Variants in INPP4B observed in about 807,000 individuals in gnomAD.
The protein encoded by INPP4B is inositol polyphosphate-4-phosphatase type II B.
In INPP4B, 55 loss-of-function variants were observed where a neutral mutation model predicts 122.5. The observed-to-expected ratio is 0.45, with a 90% CI of 0.36 to 0.56. INPP4B has a LOEUF of 0.56. Among genes scored for constraint, INPP4B ranks in the 20% least tolerant of loss-of-function variants. The probability of loss-of-function intolerance (pLI) is 0.00; values close to 1 mark genes in which losing one functional copy is unlikely to be tolerated. For synonymous variants in INPP4B, 403 were observed against 388.7 expected, an observed-to-expected ratio of 1.04 and a Z score of -0.43; for missense variants, 1,000 against 1,097.7, an observed-to-expected ratio of 0.91 and a Z score of 1.26.
At chr4:142,644,686 A>G (rs1751326052) in intron 2 of INPP4B, among the ~76,000 whole-genome samples, 1 of 149,086 alleles carries the variant, frequency 6.7e-6, no homozygotes, top group Admixed American at 6.8e-5. Context: ...CGGATCACCT[A>G]AGGTCAGAAA....
At chr4:142,452,571 C>T (rs987339397) in intron 3 of INPP4B, among the ~76,000 whole-genome samples, 5 of 152,158 alleles carry the variant, frequency 3.3e-5, no homozygotes, top group Non-Finnish European at 7.3e-5. Context: ...GTAGTCATCT[C>T]CTTTAAGGAT....
intron 2 of INPP4B, among the ~76,000 whole-genome samples, chr4:142,644,740 TAA>T (rs55700762): frequency 1.3e-3 from 89 of 71,060 alleles, no homozygotes; most frequent in African/African-American, 4.1e-3. Flanking sequence ...CATCTCTACT[TAA>T]AAAAAAAAAA....
At chr4:142,797,979 A>C (rs1416215295) in intron 1 of INPP4B, among the ~76,000 whole-genome samples, 2 of 151,954 alleles carry the variant, frequency 1.3e-5, no homozygotes, top group Non-Finnish European at 2.9e-5. Flanking sequence ...AGTGAAAAGA[A>C]ATATCACTTA....
chr4:142,070,434 G>T (rs563221667), intron 25 of INPP4B, among the ~76,000 whole-genome samples: 1 of 152,240 alleles, frequency 6.6e-6, no homozygotes, highest in African/African-American at 2.4e-5. Flanking sequence ...CACAAGACAG[G>T]GATGCCCTCT....
chr4:142,301,701 A>G (rs1477091937), intron 9 of INPP4B, among the ~76,000 whole-genome samples: 1 of 152,178 alleles, frequency 6.6e-6, no homozygotes, highest in Non-Finnish European at 1.5e-5. Flanking sequence ...GAATATAAAA[A>G]ATTCTTAGTA....
At chr4:142,710,556 G>A (rs551339231) in intron 2 of INPP4B, among the ~76,000 whole-genome samples, 1 of 152,202 alleles carries the variant, frequency 6.6e-6, no homozygotes, top group East Asian at 1.9e-4. Flanking sequence ...GAAAATATGA[G>A]TGTACTGCAC....
intron 2 of INPP4B, among the ~76,000 whole-genome samples, chr4:142,495,397 T>C (rs1290187828): frequency 6.6e-6 from 1 of 151,928 alleles, no homozygotes; most frequent in African/African-American, 2.4e-5. Flanking sequence ...CACATATATA[T>C]CTTTAGATAA....
At chr4:142,376,085 C>T (rs1791739036) in intron 7 of INPP4B, among the ~76,000 whole-genome samples, 1 of 151,882 alleles carries the variant, frequency 6.6e-6, no homozygotes, top group Non-Finnish European at 1.5e-5. Flanking sequence ...GTGCATATGT[C>T]ATTTCTTTAT....
intron 7 of INPP4B, among the ~76,000 whole-genome samples, chr4:142,331,476 T>C (rs1015250699): frequency 6.6e-6 from 1 of 152,172 alleles, no homozygotes; most frequent in Admixed American, 6.5e-5. Context: ...CTTCGTGAAA[T>C]ACAAGTATAT....
At chr4:142,405,366 CA>C (rs757222143) in intron 5 of INPP4B, 42 bp from the exon 6 acceptor site, 12 of 1,207,920 alleles carry the variant, frequency 9.9e-6, no homozygotes, top group Non-Finnish European at 1.5e-5. Context: ...AAACTAACAC[CA>C]TATCTCAGGG....
chr4:142,675,504 C>G (rs954265428), intron 2 of INPP4B, among the ~76,000 whole-genome samples: 1 of 151,638 alleles, frequency 6.6e-6, no homozygotes, highest in Admixed American at 6.6e-5. Flanking sequence ...TTTTATGAGG[C>G]CATTATCCTG....
chr4:142,114,718 CT>C (rs1246361148), intron 21 of INPP4B, among the ~76,000 whole-genome samples: 1 of 151,778 alleles, frequency 6.6e-6, no homozygotes. Flanking sequence ...TGTGGCTTGT[CT>C]TTTTACTTAC....
intron 2 of INPP4B, among the ~76,000 whole-genome samples, chr4:142,623,452 A>G (rs1287233602): frequency 1.3e-5 from 2 of 151,930 alleles, no homozygotes; most frequent in Non-Finnish European, 2.9e-5. Context: ...CCTGTCCTTC[A>G]TATTTTTCCA....
At chr4:142,031,639 T>C (rs1371848415) in intron 25 of INPP4B, among the ~76,000 whole-genome samples, 2 of 152,208 alleles carry the variant, frequency 1.3e-5, no homozygotes, top group African/African-American at 2.4e-5. Flanking sequence ...TATTGTCAAT[T>C]GTATGAGTAA....
chr4:142,125,741 C>T (rs149118985), intron 18 of INPP4B, among the ~76,000 whole-genome samples: 1 of 152,162 alleles, frequency 6.6e-6, no homozygotes, highest in East Asian at 1.9e-4. Context: ...CTTCCTGTCC[C>T]AGTACTACTC....
At chr4:142,803,966 G>A (rs936024730) in intron 1 of INPP4B, among the ~76,000 whole-genome samples, 11 of 151,898 alleles carry the variant, frequency 7.2e-5, no homozygotes, top group African/African-American at 2.7e-4. Context: ...GGCTGAAGCA[G>A]GAGAATCGCT....
intron 24 of INPP4B, among the ~76,000 whole-genome samples, chr4:142,084,106 AAATGACTTTATTTTT>A (rs1225815914): frequency 1.3e-5 from 2 of 152,100 alleles, no homozygotes; most frequent in African/African-American, 4.8e-5. Flanking sequence ...AGAAAAAAAC[AAATGACTTTATTTTT>A]ATTTTTATTA....
intron 2 of INPP4B, among the ~76,000 whole-genome samples, chr4:142,702,329 T>C (rs1306277510): frequency 1.3e-5 from 2 of 152,212 alleles, no homozygotes; most frequent in African/African-American, 4.8e-5. Flanking sequence ...TTAAAAATCA[T>C]CTACTCTTCT....
At chr4:142,695,010 C>T (rs754484509) in intron 2 of INPP4B, among the ~76,000 whole-genome samples, 33 of 152,074 alleles carry the variant, frequency 2.2e-4, no homozygotes, top group Non-Finnish European at 3.8e-4. Context: ...TATTATTCTG[C>T]ACCTATAAAG....
Sources: gnomAD v4.1 joint callset for allele counts (sites outside exome capture counted in the v4.1 genomes callset) on GRCh38, gnomAD v4.1.1 for gene constraint, MANE v1.5 for transcripts, NCBI Gene and HGNC (gene_info 2026-07-23, HGNC 2026-07-21) for gene names.